OR14A2: variants seen among roughly 807,000 people sequenced by gnomAD.
The protein encoded by OR14A2 is olfactory receptor family 14 subfamily A member 2, also known as olfactory receptor 14A2.
For missense variants in OR14A2, 237 were observed against 152.9 expected, an observed-to-expected ratio of 1.55 and a Z score of -2.90; for synonymous variants, 114 against 58.6, an observed-to-expected ratio of 1.95 and a Z score of -4.32.
At chr1:247,730,285 T>C in the OR14A2 span, among the ~76,000 whole-genome samples, 1 of 152,008 alleles carries the variant, frequency 6.6e-6, no homozygotes, top group Admixed American at 6.6e-5. Context: ...ATCCAGTTGA[T>C]TCAAACATAG....
At chr1:247,736,544 A>G in the OR14A2 span, among the ~76,000 whole-genome samples, 3 of 152,236 alleles carry the variant, frequency 2.0e-5, no homozygotes, top group African/African-American at 7.2e-5. Context: ...ATATGTAAGC[A>G]TGTGAAATAA....
At chr1:247,723,642 C>A (rs1348996208) in exon 1 of OR14A2, 2 of 718,392 alleles carry the variant, frequency 2.8e-6, no homozygotes, top group Non-Finnish European at 5.2e-6. Flanking sequence ...CTCCAGTATT[C>A]ATGATTACCT....
chr1:247,736,198 GCT>G, the OR14A2 span, among the ~76,000 whole-genome samples: 125 of 123,088 alleles, frequency 1.0e-3, no homozygotes, highest in African/African-American at 2.7e-3. Flanking sequence ...CTTCCCCTTT[GCT>G]CTCTCATTCT....
chr1:247,735,789 T>C, the OR14A2 span, among the ~76,000 whole-genome samples: 1 of 152,132 alleles, frequency 6.6e-6, no homozygotes, highest in East Asian at 1.9e-4. Context: ...CCCGGGGAGT[T>C]GGGGTCTTGA....
At chr1:247,724,026 C>T in exon 1 of OR14A2, 1 of 711,020 alleles carries the variant, frequency 1.4e-6, no homozygotes, top group Non-Finnish European at 2.6e-6. Context: ...ATCCTGTCAC[C>T]AAGGTGACAT....
At chr1:247,742,481 C>G in the OR14A2 span, among the ~76,000 whole-genome samples, 1 of 152,142 alleles carries the variant, frequency 6.6e-6, no homozygotes, top group Non-Finnish European at 1.5e-5. Context: ...CACACACACA[C>G]ACCATGAAGT....
chr1:247,732,659 A>G, the OR14A2 span, among the ~76,000 whole-genome samples: 17 of 152,336 alleles, frequency 1.1e-4, no homozygotes, highest in South Asian at 3.5e-3. Flanking sequence ...AAGTGCTTAT[A>G]GAAGTTTTAT....
At chr1:247,737,236 GTGTGTGTGCATA>G in the OR14A2 span, among the ~76,000 whole-genome samples, 2 of 152,168 alleles carry the variant, frequency 1.3e-5, no homozygotes, top group Non-Finnish European at 2.9e-5. Context: ...TCTCGGCTGT[GTGTGTGTGCATA>G]TGTGTGTATA....
the OR14A2 span, among the ~76,000 whole-genome samples, chr1:247,734,358 C>T: frequency 2.6e-5 from 4 of 152,118 alleles, no homozygotes; most frequent in African/African-American, 9.7e-5. Context: ...CCTCCAGAAT[C>T]GTGAGAAACA....
chr1:247,733,579 C>T, the OR14A2 span, among the ~76,000 whole-genome samples: 1 of 152,110 alleles, frequency 6.6e-6, no homozygotes, highest in African/African-American at 2.4e-5. Flanking sequence ...TCTGCCTGAC[C>T]ATTTAGAGGA....
At chr1:247,740,265 A>C in the OR14A2 span, among the ~76,000 whole-genome samples, 1 of 152,236 alleles carries the variant, frequency 6.6e-6, no homozygotes, top group Admixed American at 6.5e-5. Context: ...TTTGCATTGC[A>C]TCTCAGGTTT....
At chr1:247,724,182 G>T, upstream of OR14A2, 1 of 526,666 alleles carries the variant, frequency 1.9e-6, no homozygotes, top group Non-Finnish European at 3.3e-6. Flanking sequence ...AAGGAGTCAT[G>T]TACCTACCTA....
the OR14A2 span, among the ~76,000 whole-genome samples, chr1:247,729,515 C>T: frequency 6.6e-6 from 1 of 152,024 alleles, no homozygotes; most frequent in East Asian, 1.9e-4. Flanking sequence ...TAGCTCTGTT[C>T]CCCTTTAGAC....
chr1:247,738,617 G>T, the OR14A2 span: 1 of 775,228 alleles, frequency 1.3e-6, no homozygotes, highest in South Asian at 1.4e-5. Flanking sequence ...TTTGAACTAT[G>T]ACCAATCAGA....
chr1:247,731,572 T>C, the OR14A2 span, among the ~76,000 whole-genome samples: 1 of 151,260 alleles, frequency 6.6e-6, no homozygotes, highest in Non-Finnish European at 1.5e-5. Context: ...TGGCATGTTC[T>C]TTTTTTTTCT....
At chr1:247,742,858 A>G in the OR14A2 span, among the ~76,000 whole-genome samples, 2 of 152,222 alleles carry the variant, frequency 1.3e-5, no homozygotes, top group Non-Finnish European at 2.9e-5. Flanking sequence ...AGGTTATTTA[A>G]TTAGAGATAG....
chr1:247,723,657 G>T (rs1170609644), exon 1 of OR14A2: 1 of 718,534 alleles, frequency 1.4e-6, no homozygotes, highest in African/African-American at 1.7e-5. Flanking sequence ...TTACCTCGTA[G>T]TTCAGGGGAC....
chr1:247,744,019 T>G, the OR14A2 span, among the ~76,000 whole-genome samples: 1 of 152,224 alleles, frequency 6.6e-6, no homozygotes, highest in African/African-American at 2.4e-5. This position sits in a 1 kb window ranked among gnomAD's most constrained non-coding sequence, Gnocchi z 4.3. Context: ...AATTTTATTT[T>G]TAACCATATG....
chr1:247,741,029 G>A, the OR14A2 span, among the ~76,000 whole-genome samples: 1 of 152,116 alleles, frequency 6.6e-6, no homozygotes. Context: ...GCTTCCTCAT[G>A]AAATCTTCTA....
Sources: gnomAD v4.1 joint callset for allele counts (sites outside exome capture counted in the v4.1 genomes callset) on GRCh38, gnomAD v4.1.1 for gene constraint, Gnocchi (gnomAD v3.1) non-coding constraint, MANE v1.5 for transcripts, NCBI Gene and HGNC (gene_info 2026-07-23, HGNC 2026-07-21) for gene names.